ARHGAP25: variants seen among roughly 807,000 people sequenced by gnomAD.
The protein encoded by ARHGAP25 is Rho GTPase activating protein 25.
In ARHGAP25, 34 loss-of-function variants were observed where a neutral mutation model predicts 71.0. The observed-to-expected ratio is 0.48, with a 90% CI of 0.36 to 0.64. The LOEUF (loss-of-function observed/expected upper bound fraction) is 0.64. Among genes scored for constraint, ARHGAP25 ranks in the 30% least tolerant of loss-of-function variants. ARHGAP25 has a pLI of 0.00. For synonymous variants in ARHGAP25, 282 were observed against 296.5 expected (o/e 0.95, Z 0.50); for missense variants, 706 against 805.1 (o/e 0.88, Z 1.49).
At chr2:68,719,250 C>T (rs958240823) in intron 2 of ARHGAP25, among the ~76,000 whole-genome samples, 1 of 151,944 alleles carries the variant, frequency 6.6e-6, no homozygotes, top group Non-Finnish European at 1.5e-5. Context: ...AGTTTATGGC[C>T]AGTCTGTTAG....
At chr2:68,750,298 A>G (rs1406485136) in intron 1 of ARHGAP25, among the ~76,000 whole-genome samples, 1 of 148,422 alleles carries the variant, frequency 6.7e-6, no homozygotes, top group African/African-American at 2.5e-5. Context: ...GACATGAGCC[A>G]CTGCGCCCAG....
chr2:68,768,230 T>C (rs1677252446), intron 1 of ARHGAP25, among the ~76,000 whole-genome samples: 2 of 152,234 alleles, frequency 1.3e-5, no homozygotes, highest in Admixed American at 1.3e-4. Context: ...ATAAAGTGCT[T>C]GCACTGTGGC....
At chr2:68,740,687 T>C (rs879730182) in intron 1 of ARHGAP25, among the ~76,000 whole-genome samples, 3 of 152,218 alleles carry the variant, frequency 2.0e-5, no homozygotes, top group African/African-American at 7.2e-5. Context: ...CTCAATACTA[T>C]GGACTTCCTT....
At chr2:68,746,499 G>A (rs900129183) in intron 1 of ARHGAP25, among the ~76,000 whole-genome samples, 2 of 152,116 alleles carry the variant, frequency 1.3e-5, no homozygotes, top group Non-Finnish European at 2.9e-5. Flanking sequence ...AATTCCCTAC[G>A]CAGATGGCCA....
intron 1 of ARHGAP25, among the ~76,000 whole-genome samples, chr2:68,755,474 A>C (rs1676421983): frequency 6.6e-6 from 1 of 152,252 alleles, no homozygotes; most frequent in African/African-American, 2.4e-5. Flanking sequence ...TATACAAGTT[A>C]ATTCAAAATG....
At chr2:68,816,463 G>C (rs1301420355) in intron 7 of ARHGAP25, 101 bp downstream of exon 7, 3 of 931,864 alleles carry the variant, frequency 3.2e-6, no homozygotes, top group Non-Finnish European at 5.1e-6. Context: ...AGAGATTCTG[G>C]TCTAGCACTT....
upstream of ARHGAP25, among the ~76,000 whole-genome samples, chr2:68,732,888 A>T (rs566097931): frequency 6.6e-6 from 1 of 152,304 alleles, no homozygotes; most frequent in South Asian, 2.1e-4. Context: ...CGTTCTCTGG[A>T]TATACAGTTT....
At chr2:68,738,818 C>G (rs1675356304) in intron 1 of ARHGAP25, among the ~76,000 whole-genome samples, 1 of 135,990 alleles carries the variant, frequency 7.4e-6, no homozygotes, top group Non-Finnish European at 1.6e-5. Context: ...AAGACTCTGT[C>G]TCAAGAAAAA....
At chr2:68,811,224 TA>T (rs1365992395) in intron 5 of ARHGAP25, among the ~76,000 whole-genome samples, 2 of 152,154 alleles carry the variant, frequency 1.3e-5, no homozygotes, top group African/African-American at 4.8e-5. Flanking sequence ...AGTGTGACTT[TA>T]GGATAATAGA....
rs1287096866 is a variant in ARHGAP25 at position 68,826,033 on chromosome 2, A to C, written c.1780A>C (p.Asn594His). 6.2e-7 allele frequency: 1 copy of C among 1,613,960 alleles called. No homozygotes were observed. The highest frequency in any genetic ancestry group is 1.3e-5 in the African/African-American group (1 of 74,916). Reference sequence around the variant, plus strand: ...CGTTTGGGCTAAAGTGGTGAGGCTCAATGAAGAACTGGAGAAGGAAAAGAA... The same window carrying C: ...CGTTTGGGCTAAAGTGGTGAGGCTCCATGAAGAACTGGAGAAGGAAAAGAA... Reference protein sequence around the residue: ...YDVWAKVVRLNEELEKEKKKS... With the variant: ...YDVWAKVVRLHEELEKEKKKS... The change falls in exon 11 of 11, where the codon AAT becomes CAT. Residue 594 changes from asparagine (N) to histidine (H), a missense_variant. Asn to His is a moderately conservative substitution (Grantham distance 68, BLOSUM62 1). Coordinates refer to ENST00000409202, the MANE Select transcript of ARHGAP25 (RefSeq NM_001007231.3).
At chr2:68,753,971 C>T (rs1286050567) in intron 1 of ARHGAP25, among the ~76,000 whole-genome samples, 1 of 150,304 alleles carries the variant, frequency 6.7e-6, no homozygotes, top group Admixed American at 6.6e-5. Context: ...GGCCCAATCT[C>T]GGCTCACTGT....
intron 5 of ARHGAP25, among the ~76,000 whole-genome samples, chr2:68,812,800 A>G (rs1229291737): frequency 6.6e-6 from 1 of 152,158 alleles, no homozygotes; most frequent in Non-Finnish European, 1.5e-5. Flanking sequence ...CTTGCACCTA[A>G]TAGGTTTTCT....
chr2:68,819,517 A>AG (rs779055044), intron 9 of ARHGAP25, 198 bp downstream of exon 9: 1 of 710,006 alleles, frequency 1.4e-6, no homozygotes, highest in South Asian at 1.5e-5. Context: ...GGCATCTTTG[A>AG]GGGGGGTGAG....
At chr2:68,749,039 G>A (rs996648681) in intron 1 of ARHGAP25, among the ~76,000 whole-genome samples, 7 of 152,004 alleles carry the variant, frequency 4.6e-5, no homozygotes, top group Non-Finnish European at 8.8e-5. Flanking sequence ...GCAAGGGAGA[G>A]GAAGAAAGAA....
At chr2:68,788,978 TAC>T (rs1485154693) in intron 4 of ARHGAP25, among the ~76,000 whole-genome samples, 5 of 152,128 alleles carry the variant, frequency 3.3e-5, no homozygotes, top group Non-Finnish European at 7.4e-5. Flanking sequence ...TGTTTACATC[TAC>T]ACACTTTTTT....
intron 4 of ARHGAP25, among the ~76,000 whole-genome samples, chr2:68,792,199 C>T (rs1381252865): frequency 1.3e-5 from 2 of 152,208 alleles, no homozygotes; most frequent in African/African-American, 2.4e-5. Flanking sequence ...CAATGCATTA[C>T]ATTGTTCTCC....
intron 2 of ARHGAP25, among the ~76,000 whole-genome samples, chr2:68,725,754 C>G (rs1482526374): frequency 2.0e-5 from 3 of 152,182 alleles, no homozygotes; most frequent in African/African-American, 7.2e-5. Flanking sequence ...CCTTGTTGAC[C>G]CATCTCTTGT....
chr2:68,719,449 A>G (rs919695058), intron 2 of ARHGAP25, among the ~76,000 whole-genome samples: 49 of 152,056 alleles, frequency 3.2e-4, no homozygotes, highest in Admixed American at 1.1e-3. Context: ...AAAAAGAAAA[A>G]AAACCCCACA....
intron 5 of ARHGAP25, among the ~76,000 whole-genome samples, chr2:68,811,798 C>T (rs1375483804): frequency 6.6e-6 from 1 of 152,204 alleles, no homozygotes; most frequent in East Asian, 1.9e-4. Flanking sequence ...TCCAGATCCA[C>T]CCCTCCCTTC....
Sources: allele counts gnomAD v4.1 joint callset (sites outside exome capture counted in the v4.1 genomes callset), GRCh38; gene constraint gnomAD v4.1.1; transcripts MANE v1.5; gene names NCBI Gene and HGNC (gene_info 2026-07-23, HGNC 2026-07-21).